The following ATRX variants were observed in gnomAD, a reference collection of about 807,000 sequenced individuals.
ATRX encodes the protein chromatin remodeler ATRX.
Under a neutral mutation model 172.6 loss-of-function variants are expected in ATRX, and 12 were observed. The ratio of observed to expected loss-of-function variants is 0.07; its 90% CI spans 0.04 to 0.11. The LOEUF (loss-of-function observed/expected upper bound fraction) is 0.11, where lower values mean the gene tolerates loss of function less well. Ranked by LOEUF, ATRX falls within the 10% of genes least tolerant of loss-of-function variation. The probability of loss-of-function intolerance (pLI) is 1.00; values close to 1 mark genes in which losing one functional copy is unlikely to be tolerated. For synonymous variants in ATRX, 674 were observed against 594.7 expected, an observed-to-expected ratio of 1.13 and a Z score of -1.94; for missense variants, 1,368 against 1,767.4, an observed-to-expected ratio of 0.77 and a Z score of 4.05.
chrX:77,695,926 G>A, intron 5 of ATRX, among the ~76,000 whole-genome samples: 1 of 111,497 alleles, frequency 9.0e-6, no homozygotes, highest in Middle Eastern at 4.7e-3. Context: ...TTGACTCTTT[G>A]AACCAAGTTC....
chrX:77,710,639 C>T (rs782198058), intron 2 of ATRX, among the ~76,000 whole-genome samples: 13 of 111,323 alleles, frequency 1.2e-4, no homozygotes, highest in Non-Finnish European at 2.3e-4. Flanking sequence ...TTGATACATA[C>T]AACAACCTCA....
chrX:77,779,674 C>T (rs2076499234), intron 1 of ATRX, among the ~76,000 whole-genome samples: 1 of 112,393 alleles, frequency 8.9e-6, no homozygotes, highest in African/African-American at 3.2e-5. Flanking sequence ...AATTTTATTA[C>T]CTTTGGCATA....
At chrX:77,541,721 T>C (rs1235421948) in intron 30 of ATRX, among the ~76,000 whole-genome samples, 1 of 111,931 alleles carries the variant, frequency 8.9e-6, no homozygotes, top group African/African-American at 3.2e-5. Context: ...AAAAACCATA[T>C]GATTATCTCA....
intron 27 of ATRX, among the ~76,000 whole-genome samples, chrX:77,577,780 G>A (rs781970348): frequency 9.0e-6 from 1 of 111,700 alleles, no homozygotes; most frequent in Non-Finnish European, 1.9e-5. Flanking sequence ...ACTGGGGAAG[G>A]AGGTGGAATA....
chrX:77,577,595 A>T (rs2065666304), intron 27 of ATRX, among the ~76,000 whole-genome samples: 1 of 111,252 alleles, frequency 9.0e-6, no homozygotes, highest in Non-Finnish European at 1.9e-5. Flanking sequence ...TTTATGTTAT[A>T]TATATATTTA....
In ATRX at chrX:77,785,939, G is replaced by C. The variant is rs782129897; in HGVS notation, c.20+43C>G. The C allele has an allele frequency of 2.6e-6, 3 of 1,174,152 alleles. No individual in the cohort carries two copies. The Admixed American group carries it at 7.3e-5, about 28-fold the overall frequency. ...CAAACACCCGACTCAGACGGTGCCT[G>C]GGCCCAGACCGCTGGGGCCCATGAG... On this transcript the variant is annotated intron_variant, in intron 1 of 34. Coordinates refer to ENST00000373344, the MANE Select transcript of ATRX (RefSeq NM_000489.6).
chrX:77,645,528 T>TAG (rs2068870541), intron 15 of ATRX, among the ~76,000 whole-genome samples: 1 of 111,628 alleles, frequency 9.0e-6, no homozygotes. Context: ...TTGTTAAAAC[T>TAG]AGACCTGCCC....
At chrX:77,721,142 ACT>A (rs1305419818) in intron 1 of ATRX, among the ~76,000 whole-genome samples, 1 of 111,229 alleles carries the variant, frequency 9.0e-6, no homozygotes, top group Non-Finnish European at 1.9e-5. Flanking sequence ...CACGCTAAAA[ACT>A]CTCAATAAAC....
intron 34 of ATRX, among the ~76,000 whole-genome samples, chrX:77,509,908 G>A (rs1180833414): frequency 1.9e-5 from 1 of 51,530 alleles, no homozygotes; most frequent in Non-Finnish European, 4.1e-5. Context: ...AGTGGACGGG[G>A]GGCGGGGGGG....
At chrX:77,772,309 CAAAAAA>C (rs782216980) in intron 1 of ATRX, among the ~76,000 whole-genome samples, 1 of 56,870 alleles carries the variant, frequency 1.8e-5, no homozygotes, top group Non-Finnish European at 3.4e-5. Flanking sequence ...GAATCCGTCT[CAAAAAA>C]AAAAAAAAAA....
chrX:77,753,914 A>C (rs1426162218), intron 1 of ATRX, among the ~76,000 whole-genome samples: 1 of 111,672 alleles, frequency 9.0e-6, no homozygotes, highest in Non-Finnish European at 1.9e-5. Flanking sequence ...TGTCTCAGTG[A>C]TCTGTCTAAT....
At chrX:77,652,384 G>A (rs2148441251) in intron 14 of ATRX, 31 bp from the exon 15 acceptor site, 3 of 1,165,152 alleles carry the variant, frequency 2.6e-6, no homozygotes, top group Non-Finnish European at 3.5e-6. Flanking sequence ...GAGGTAAACA[G>A]TACAAAGTCA....
In ATRX at chrX:77,724,061, T is replaced by C. The variant is rs577094530; in HGVS notation, c.21-6818A>G. 6.3e-5 allele frequency among the ~76,000 whole-genome samples: 7 copies of C among 111,014 alleles called. No homozygotes were observed. The South Asian group carries it at 2.7e-3, about 43-fold the overall frequency. The stretch of plus-strand genomic sequence containing the variant: ...TTTGGGAGCTAGACAGGCAGATCAC[T>C]TGAGGTCAGGAGTTCCAGACCAGCC... On this transcript the variant is annotated intron_variant, in intron 1 of 34. Transcript: ENST00000373344.
chrX:77,577,397 G>C (rs1474421830), intron 27 of ATRX, among the ~76,000 whole-genome samples: 1 of 110,603 alleles, frequency 9.0e-6, no homozygotes, highest in Non-Finnish European at 1.9e-5. Context: ...TGTGCTTCTT[G>C]GCCATTTGTA....
At chrX:77,677,219 C>T (rs1429445331) in intron 9 of ATRX, among the ~76,000 whole-genome samples, 1 of 111,262 alleles carries the variant, frequency 9.0e-6, no homozygotes, top group Non-Finnish European at 1.9e-5. Flanking sequence ...TAATACTATG[C>T]ATGCTTAAGT....
chrX:77,654,065 A>G, intron 14 of ATRX, 33 bp downstream of exon 14: 2 of 1,109,096 alleles, frequency 1.8e-6, no homozygotes, highest in Non-Finnish European at 2.5e-6. Context: ...TGTACTGGTT[A>G]TAATTCAAGC....
chrX:77,684,877 T>C, intron 8 of ATRX, 62 bp downstream of exon 8: 1 of 986,455 alleles, frequency 1.0e-6, no homozygotes. Context: ...TCATAAATGA[T>C]TATGTAACAA....
At chrX:77,517,739 T>C (rs1204278576) in intron 34 of ATRX, among the ~76,000 whole-genome samples, 3 of 111,713 alleles carry the variant, frequency 2.7e-5, no homozygotes, top group African/African-American at 9.8e-5. Context: ...CAGGGCAATA[T>C]CTGAGATGAA....
chrX:77,646,925 T>A lies in ATRX; in HGVS notation c.4557+5189A>T, dbSNP rs1210181802. On this transcript the variant is annotated intron_variant, in intron 15 of 34. Coordinates refer to ENST00000373344, the MANE Select transcript of ATRX (RefSeq NM_000489.6). The stretch of plus-strand genomic sequence containing the variant: ...GCAACAGAGCAAGACACTGTGTCTT[T>A]AAAAAAAAAAAAAAAATAGACCTAA... Among the ~76,000 whole-genome samples the A allele has an allele frequency of 1.3e-3, 124 of 95,009 alleles. 1 individual carries two copies. Among genetic ancestry groups the A allele is most frequent in the Non-Finnish European group, 2.0e-3 (93 of 47,047 alleles). 82.5% of individuals were successfully genotyped at this position (95,009 alleles called of 115,157 possible). A position where few individuals can be genotyped will look rare whatever the true frequency, so the allele number is the denominator to read the frequency against.
Sources: gnomAD v4.1 joint callset for allele counts (sites outside exome capture counted in the v4.1 genomes callset) on GRCh38, gnomAD v4.1.1 for gene constraint, MANE v1.5 for transcripts, NCBI Gene and HGNC (gene_info 2026-07-23, HGNC 2026-07-21) for gene names.